The following IGSF22 variants were observed in gnomAD, a reference collection of about 807,000 sequenced individuals.
IGSF22 encodes the protein immunoglobulin superfamily member 22.
Under a neutral mutation model 127.0 loss-of-function variants are expected in IGSF22, and 119 were observed. That is an observed-to-expected ratio of 0.94 (90% CI 0.81 to 1.09). IGSF22 has a LOEUF of 1.09. Among genes scored for constraint, IGSF22 ranks in the 50% least tolerant of loss-of-function variants. The pLI is 0.00. For missense variants in IGSF22, 1,518 were observed against 1,716.6 expected, an observed-to-expected ratio of 0.88 and a Z score of 2.04; for synonymous variants, 568 against 664.7, an observed-to-expected ratio of 0.85 and a Z score of 2.24.
chr11:18,713,774 A>C (rs10766493), intron 14 of IGSF22, 78 bp downstream of exon 14: 917,311 of 1,224,230 alleles, frequency 0.75, 345,191 homozygotes, highest in East Asian at 0.82. Flanking sequence ...CTGGCCTCCT[A>C]CTCAGCCTGC....
At chr11:18,707,609 C>T (rs112118553) in intron 20 of IGSF22, among the ~76,000 whole-genome samples, 195 bp downstream of exon 20, 3 of 152,308 alleles carry the variant, frequency 2.0e-5, no homozygotes, top group African/African-American at 4.8e-5. Context: ...ATTTGTCCCT[C>T]CTGCCCCTCC....
chr11:18,717,322 A>G (rs529208301), intron 9 of IGSF22, among the ~76,000 whole-genome samples: 10 of 152,362 alleles, frequency 6.6e-5, no homozygotes, highest in African/African-American at 2.2e-4. Context: ...AGATGGGGAA[A>G]CTGAATCAAA....
intron 2 of IGSF22, among the ~76,000 whole-genome samples, chr11:18,723,148 T>C (rs1160219): frequency 0.24 from 36,998 of 152,194 alleles, 4,759 homozygotes; most frequent in South Asian, 0.38. Flanking sequence ...TGGGCCCTGT[T>C]GGTCAGTGGT....
chr11:18,721,773 C>T, intron 3 of IGSF22, 102 bp from the exon 4 acceptor site: 2 of 1,589,554 alleles, frequency 1.3e-6, no homozygotes. Flanking sequence ...CTGGGCCTGG[C>T]CCCGGGCAGG....
chr11:18,723,124 T>C (rs1848600938), intron 2 of IGSF22, among the ~76,000 whole-genome samples: 1 of 152,204 alleles, frequency 6.6e-6, no homozygotes, highest in South Asian at 2.1e-4. Flanking sequence ...TTCCCCACAT[T>C]TATGTTCCCT....
intron 21 of IGSF22, 95 bp from the exon 22 acceptor site, chr11:18,706,241 C>T (rs1848228436): frequency 8.4e-7 from 1 of 1,190,868 alleles, no homozygotes. Context: ...ACCCCGAGGA[C>T]CTAGGCCACA....
chr11:18,706,180 G>A (rs1361366331), intron 21 of IGSF22, 34 bp from the exon 22 acceptor site: 2 of 1,504,338 alleles, frequency 1.3e-6, no homozygotes, highest in East Asian at 2.5e-5. Context: ...CCGTGAGGGC[G>A]CCCCAAGGCC....
intron 1 of IGSF22, among the ~76,000 whole-genome samples, 167 bp downstream of exon 1, chr11:18,725,907 T>C (rs1457645812): frequency 6.6e-6 from 1 of 152,184 alleles, no homozygotes; most frequent in African/African-American, 2.4e-5. Flanking sequence ...GGGGTTAAAC[T>C]CTATTCCCTC....
chr11:18,708,030 C>A, intron 19 of IGSF22, 34 bp from the exon 20 acceptor site: 1 of 1,610,902 alleles, frequency 6.2e-7, no homozygotes, highest in East Asian at 2.2e-5. Flanking sequence ...CAACTGGTCA[C>A]ACAGATGATA....
Position 18,720,207 on chromosome 11 carries a change from C to A in IGSF22, c.457G>T (p.Val153Leu). 6.2e-7 allele frequency: 1 copy of A among 1,614,034 alleles called. No homozygotes were observed. Among genetic ancestry groups the A allele is most frequent in the Non-Finnish European group, 8.5e-7 (1 of 1,179,932 alleles). The change falls in exon 5 of 23, where the codon GTA becomes TTA. Residue 153 changes from valine to leucine, a missense_variant. Physicochemically the swap from Val to Leu is conservative, Grantham distance 32. Coordinates refer to ENST00000513874, the MANE Select transcript of IGSF22 (RefSeq NM_173588.4). ...TCACCTTCTGTTACCAGCAGAGATA[C>A]GGTATAGATGGCATCTGCATGGTCA... ...SNDHADAIYTVSLLVTEGQEK... is the reference protein window; with the variant it reads ...SNDHADAIYTLSLLVTEGQEK...
chr11:18,723,471 C>T (rs1197095546), intron 2 of IGSF22, among the ~76,000 whole-genome samples: 1 of 152,228 alleles, frequency 6.6e-6, no homozygotes, highest in African/African-American at 2.4e-5. Context: ...TTGAGGGACT[C>T]TATCCCTTTG....
At chr11:18,708,068 G>T in intron 19 of IGSF22, 72 bp from the exon 20 acceptor site, 1 of 1,581,382 alleles carries the variant, frequency 6.3e-7, no homozygotes. Flanking sequence ...CTCCATTGTC[G>T]AGGAGTTTCC....
At chr11:18,721,772 G>A (rs1207370551) in intron 3 of IGSF22, 101 bp from the exon 4 acceptor site, 63 of 1,589,698 alleles carry the variant, frequency 4.0e-5, no homozygotes, top group Non-Finnish European at 5.4e-5. Flanking sequence ...CCTGGGCCTG[G>A]CCCCGGGCAG....
chr11:18,715,006 G>A (rs1053948102), intron 11 of IGSF22, among the ~76,000 whole-genome samples: 2 of 114,698 alleles, frequency 1.7e-5, no homozygotes, highest in East Asian at 2.7e-4. Context: ...TTGTGGTTAC[G>A]CTAGACTGTG....
rs368109807 is a variant in IGSF22 at position 18,708,046 on chromosome 11, G to C, written c.3088-50C>G. The C allele has an allele frequency of 1.0e-5, 16 of 1,602,214 alleles. No homozygotes were observed. In the African/African-American group the frequency reaches 2.0e-4, roughly 20 times the overall value. The stretch of plus-strand genomic sequence containing the variant: ...AACTGGTCACACAGATGATATTTGG[G>C]GGCAGGCCTTCCTCCATTGTCGAGG... On this transcript the variant is annotated intron_variant, in intron 19 of 22. Coordinates refer to ENST00000513874, the MANE Select transcript of IGSF22 (RefSeq NM_173588.4).
rs756519397 is a variant in IGSF22 at position 18,715,499 on chromosome 11, G to A, written c.1464C>T (p.Tyr488=). Residue 488 remains tyrosine, a synonymous_variant, in exon 11 of 23, where the codon TAC becomes TAT. Transcript: ENST00000513874. ...EDAQLSDGGE[Y]TVVAMQDGDP... is the part of the protein sequence containing the mutation. The stretch of plus-strand genomic sequence containing the variant: ...CTCCATCCTGCATGGCCACCACAGT[G>A]TACTCGCCACCATCACTGAGCTGTG... The A allele has an allele frequency of 2.5e-6, 4 of 1,613,904 alleles. No individual in the cohort carries two copies. The highest frequency in any genetic ancestry group is 4.5e-5 in the East Asian group (2 of 44,880).
Position 18,708,007 on chromosome 11 carries a change from A to G in IGSF22, c.3088-11T>C. 6.2e-7 allele frequency: 1 copy of G among 1,613,808 alleles called. No homozygotes were observed. The highest frequency in any genetic ancestry group is 8.5e-7 in the Non-Finnish European group (1 of 1,179,776). The stretch of plus-strand genomic sequence containing the variant: ...AGGTGGTGGTGAGCCCTGAGTAGTG[A>G]CAGGAGATGGCACAACTGGTCACAC... On this transcript the variant is annotated splice_polypyrimidine_tract_variant and intron_variant, in intron 19 of 22. Transcript: ENST00000513874.
intron 21 of IGSF22, chr11:18,706,422 A>G: frequency 4.0e-6 from 2 of 500,958 alleles, no homozygotes; most frequent in East Asian, 3.4e-5. Flanking sequence ...TTCCAGCGCC[A>G]GCTTCCTGGA....
Position 18,721,546 on chromosome 11 carries a change from G to C in IGSF22, c.367C>G (p.His123Asp). 1 of 1,614,256 alleles carries C rather than the reference G, an allele frequency of 6.2e-7. No homozygotes were observed. The highest frequency in any genetic ancestry group is 8.5e-7 in the Non-Finnish European group (1 of 1,180,044). The change falls in exon 4 of 23, where the codon CAC (histidine) becomes GAC (aspartate). Residue 123 changes from histidine (H) to aspartate (D), a missense_variant. This residue lies in a region of IGSF22 where 1,456 missense variants were observed against 1,644.9 expected (regional missense o/e 0.89). Transcript: ENST00000513874. Reference sequence around the variant, plus strand: ...CTTGGCCCCCGCACCTTCAGCACGTGTTCCTTGTTAATGCTGTCGTAGAAT... The same window carrying C: ...CTTGGCCCCCGCACCTTCAGCACGTCTTCCTTGTTAATGCTGTCGTAGAAT... ...KIFYDSINKE[H>D]VLKLEPLTSD...
Sources: gnomAD v4.1 joint callset for allele counts (sites outside exome capture counted in the v4.1 genomes callset) on GRCh38, gnomAD v4.1.1 for gene constraint, gnomAD v4.1.1 regional missense constraint, MANE v1.5 for transcripts, NCBI Gene and HGNC (gene_info 2026-07-23, HGNC 2026-07-21) for gene names.